STIM1: variants seen among roughly 807,000 people sequenced by gnomAD.
STIM1 encodes the protein stromal interaction molecule 1.
In STIM1, 25 loss-of-function variants were observed where a neutral mutation model predicts 74.7. The observed-to-expected ratio is 0.33, with a 90% CI of 0.24 to 0.47. The LOEUF is 0.47. Among genes scored for constraint, STIM1 ranks in the 20% least tolerant of loss-of-function variants. The probability of loss-of-function intolerance (pLI) is 1.00; values close to 1 mark genes in which losing one functional copy is unlikely to be tolerated. For synonymous variants in STIM1, 328 were observed against 348.8 expected, an observed-to-expected ratio of 0.94 and a Z score of 0.66; for missense variants, 728 against 920.8, an observed-to-expected ratio of 0.79 and a Z score of 2.71.
chr11:4,004,141 A>G (rs2093751799), intron 2 of STIM1, among the ~76,000 whole-genome samples: 2 of 152,258 alleles, frequency 1.3e-5, no homozygotes, highest in Admixed American at 1.3e-4. Context: ...GGAAGAATCA[A>G]TATCATGAAA....
intron 2 of STIM1, among the ~76,000 whole-genome samples, chr11:3,982,262 AAGCAATCTC>A (rs1309183065): frequency 1.3e-5 from 2 of 151,842 alleles, no homozygotes; most frequent in African/African-American, 4.8e-5. Context: ...TCCTGGGCTC[AAGCAATCTC>A]TGCCCACCTC....
chr11:4,090,388 A>T (rs2094517009), intron 12 of STIM1, among the ~76,000 whole-genome samples: 1 of 152,096 alleles, frequency 6.6e-6, no homozygotes. Context: ...GCCTCCCTAC[A>T]TTCTCCGTCA....
intron 1 of STIM1, among the ~76,000 whole-genome samples, chr11:3,914,666 T>C (rs1205568200): frequency 6.6e-6 from 1 of 152,138 alleles, no homozygotes; most frequent in Non-Finnish European, 1.5e-5. Flanking sequence ...GGTCTCAATC[T>C]CCTGACCTCG....
chr11:3,859,594 G>A (rs1370277136), intron 1 of STIM1, among the ~76,000 whole-genome samples: 2 of 152,226 alleles, frequency 1.3e-5, no homozygotes, highest in African/African-American at 4.8e-5. Flanking sequence ...GGGCCTTGGA[G>A]GATAGGCATC....
At chr11:3,920,695 C>T (rs893946565) in intron 1 of STIM1, among the ~76,000 whole-genome samples, 6 of 152,124 alleles carry the variant, frequency 3.9e-5, no homozygotes, top group Non-Finnish European at 8.8e-5. Context: ...TGGAAACTAC[C>T]TTCTGCTCTC....
At chr11:3,992,024 G>A (rs10767775) in intron 2 of STIM1, among the ~76,000 whole-genome samples, 91,943 of 121,654 alleles carry the variant, frequency 0.76, 35,919 homozygotes, top group East Asian at 0.9. Context: ...GGACTAATTT[G>A]CATTCCCATC....
chr11:4,052,476 A>G (rs1451894635), intron 3 of STIM1, among the ~76,000 whole-genome samples: 1 of 152,232 alleles, frequency 6.6e-6, no homozygotes, highest in Non-Finnish European at 1.5e-5. Flanking sequence ...TGACAAAAAC[A>G]AGAAATGGGG....
At position 4,082,431 on chromosome 11, in the gene STIM1, C is replaced by T. The variant is rs1437335370; in HGVS notation, c.1137+80C>T. 4.3e-6 allele frequency: 6 copies of T among 1,405,812 alleles called. No homozygotes were observed. The African/African-American group carries it at 4.3e-5, about 10-fold the overall frequency. 87.1% of individuals were successfully genotyped at this position (1,405,812 alleles called of 1,614,324 possible). Reference sequence around the variant, plus strand: ...ACCTGCATATCTTCCTCTTCTCTCCCTCTCCCTGTTCCTCCCATTGGGTGA... The same window carrying T: ...ACCTGCATATCTTCCTCTTCTCTCCTTCTCCCTGTTCCTCCCATTGGGTGA... On this transcript the variant is annotated intron_variant, in intron 8 of 12. Transcript: ENST00000526596.
At chr11:3,937,290 C>CAATAATAATAATGATAAT (rs2092944662) in intron 1 of STIM1, among the ~76,000 whole-genome samples, 1 of 133,078 alleles carries the variant, frequency 7.5e-6, no homozygotes, top group African/African-American at 2.6e-5. Context: ...GACTTCATCT[C>CAATAATAATAATGATAAT]AATAATAATA....
intron 3 of STIM1, among the ~76,000 whole-genome samples, chr11:4,040,974 A>C (rs2094142754): frequency 6.6e-6 from 1 of 152,142 alleles, no homozygotes; most frequent in Non-Finnish European, 1.5e-5. Flanking sequence ...GAAGACCTTT[A>C]CCTCACTGTA....
At chr11:3,992,637 A>AT (rs1368764191) in intron 2 of STIM1, among the ~76,000 whole-genome samples, 2 of 151,908 alleles carry the variant, frequency 1.3e-5, no homozygotes, top group Non-Finnish European at 2.9e-5. Flanking sequence ...CAGTTTATTT[A>AT]TTTTTTTGCT....
chr11:3,882,632 G>T (rs2091559099), intron 1 of STIM1, among the ~76,000 whole-genome samples: 1 of 152,162 alleles, frequency 6.6e-6, no homozygotes, highest in Admixed American at 6.5e-5. Context: ...ACATGTACCT[G>T]TTTGAGTACC....
intron 1 of STIM1, among the ~76,000 whole-genome samples, chr11:3,958,462 G>A (rs1387542018): frequency 1.3e-5 from 2 of 152,210 alleles, no homozygotes; most frequent in African/African-American, 4.8e-5. Context: ...CCTGCCCCCT[G>A]CTGAGAAGAG....
chr11:3,971,852 A>G (rs1426567371), intron 2 of STIM1, among the ~76,000 whole-genome samples: 3 of 152,214 alleles, frequency 2.0e-5, no homozygotes, highest in African/African-American at 7.2e-5. Context: ...GGAAACAGAT[A>G]ACTCCCTAAA....
At chr11:4,003,518 G>A (rs1490109317) in intron 2 of STIM1, among the ~76,000 whole-genome samples, 1 of 151,024 alleles carries the variant, frequency 6.6e-6, no homozygotes, top group East Asian at 1.9e-4. Flanking sequence ...TGCAGAAAAG[G>A]CCTTTGACAA....
chr11:4,092,349 A>C lies in STIM1; in HGVS notation c.*551A>C. Reference sequence around the variant, plus strand: ...TTTGGTATTGATGTGGGTCAGAAGGAGCCTCATCCTAATCTCACTCAGGCC... The same window carrying C: ...TTTGGTATTGATGTGGGTCAGAAGGCGCCTCATCCTAATCTCACTCAGGCC... On this transcript the variant is annotated 3_prime_UTR_variant, in exon 13 of 13. Transcript: ENST00000526596. 1 of 173,494 alleles carries C rather than the reference A, an allele frequency of 5.8e-6. No homozygotes were observed. The highest frequency in any genetic ancestry group is 1.3e-5 in the Non-Finnish European group (1 of 78,560). 10.7% of individuals were successfully genotyped at this position (173,494 alleles called of 1,614,324 possible). A position where few individuals can be genotyped will look rare whatever the true frequency, so the allele number is the denominator to read the frequency against.
At chr11:3,985,776 C>T (rs963921833) in intron 2 of STIM1, among the ~76,000 whole-genome samples, 1 of 152,224 alleles carries the variant, frequency 6.6e-6, no homozygotes, top group Non-Finnish European at 1.5e-5. Flanking sequence ...GGCCCTGCTT[C>T]CCTTCAGACC....
At chr11:3,933,757 T>C (rs975231498) in intron 1 of STIM1, among the ~76,000 whole-genome samples, 4 of 152,194 alleles carry the variant, frequency 2.6e-5, no homozygotes, top group Non-Finnish European at 5.9e-5. Context: ...ATAACTATAA[T>C]TGGAGTCATT....
At chr11:3,865,833 T>C (rs967177155) in intron 1 of STIM1, among the ~76,000 whole-genome samples, 2 of 152,222 alleles carry the variant, frequency 1.3e-5, no homozygotes, top group Admixed American at 6.5e-5. Flanking sequence ...GGAGGTTCTC[T>C]GGGCATTGAG....
Sources: allele counts gnomAD v4.1 joint callset (sites outside exome capture counted in the v4.1 genomes callset), GRCh38; gene constraint gnomAD v4.1.1; transcripts MANE v1.5; gene names NCBI Gene and HGNC (gene_info 2026-07-23, HGNC 2026-07-21).